NUMA1: variants seen among roughly 807,000 people sequenced by gnomAD.
NUMA1 encodes the protein nuclear mitotic apparatus protein 1, also known as SP-H antigen.
In NUMA1, 62 loss-of-function variants were observed where a neutral mutation model predicts 237.1. The ratio of observed to expected loss-of-function variants is 0.26; its 90% confidence interval spans 0.21 to 0.32. The LOEUF (loss-of-function observed/expected upper bound fraction) is 0.32, where lower values mean the gene tolerates loss of function less well. Ranked by LOEUF, NUMA1 falls within the 10% of genes least tolerant of loss-of-function variation. NUMA1 has a pLI of 1.00. For missense variants in NUMA1, 2,533 were observed against 2,666.5 expected (o/e 0.95, Z 1.10); for synonymous variants, 1,028 against 1,066.1 (o/e 0.96, Z 0.70).
At position 72,009,380 on chromosome 11, in the gene NUMA1, T is replaced by C. The variant is rs1476050304; in HGVS notation, c.4727A>G (p.Gln1576Arg). The C allele has an allele frequency of 1.9e-6, 3 of 1,604,836 alleles. No homozygotes were observed. The highest frequency in any genetic ancestry group is 2.5e-6 in the Non-Finnish European group (3 of 1,178,112). Residue 1576 changes from glutamine (Q) to arginine (R), a missense_variant, in exon 18 of 27, where the codon CAG (glutamine) becomes CGG (arginine). This residue lies in a region of NUMA1 where 795 missense variants were observed against 750.8 expected (regional missense o/e 1.06). Transcript: ENST00000393695. Reference protein sequence around the residue: ...KVQQQKLKAVQAQGGESQQEA... With the variant: ...KVQQQKLKAVRAQGGESQQEA... ...CTGCTGGCTCTCGCCTCCCTGAGCC[T>C]GGACAGCCTGAGAAGAAAGGCCACT...
chr11:72,024,018 C>T, intron 5 of NUMA1: 1 of 420,570 alleles, frequency 2.4e-6, no homozygotes, highest in Non-Finnish European at 4.3e-6. Flanking sequence ...GTGACAGGTC[C>T]CAAAAAGTAA....
At chr11:72,043,868 G>C (rs905343540) in intron 2 of NUMA1, among the ~76,000 whole-genome samples, 4 of 152,106 alleles carry the variant, frequency 2.6e-5, no homozygotes, top group African/African-American at 9.7e-5. Flanking sequence ...CTTGAACTCG[G>C]AATGAGCAGA....
At chr11:72,039,935 A>C (rs2135820517) in intron 2 of NUMA1, 1 of 152,218 alleles carries the variant, frequency 6.6e-6, no homozygotes, top group Non-Finnish European at 1.5e-5. Flanking sequence ...GGTTACCCAG[A>C]GGGGCCAAGC....
At chr11:72,021,346 G>A in intron 7 of NUMA1, 55 bp from the exon 8 acceptor site, 1 of 1,512,608 alleles carries the variant, frequency 6.6e-7, no homozygotes, top group Non-Finnish European at 9.2e-7. Flanking sequence ...CTGAAGGGAT[G>A]GCTGCCAGGA....
At chr11:72,039,216 C>T (rs1478633200) in intron 2 of NUMA1, among the ~76,000 whole-genome samples, 1 of 152,238 alleles carries the variant, frequency 6.6e-6, no homozygotes, top group Non-Finnish European at 1.5e-5. Flanking sequence ...CTAATGTAAA[C>T]CACCTGCTCA....
rs566138045 is a variant in NUMA1, at chr11:72,018,098, C to T, written c.978+85G>A. On this transcript the variant is annotated intron_variant, in intron 12 of 26. Coordinates refer to ENST00000393695, the MANE Select transcript of NUMA1 (RefSeq NM_006185.4). ...CTGAAGCATAAGACAGGTGCTGGGA[C>T]ATTCTTCTCAACCCTCTCTTGGGGA... 1.3e-5 allele frequency: 14 copies of T among 1,069,958 alleles called. No individual in the cohort carries two copies. In the African/African-American group the frequency reaches 2.0e-4, roughly 15 times the overall value. The allele number at this position is 1,069,958 out of a possible 1,614,324, so 66.3% of individuals were successfully genotyped here.
chr11:72,024,314 C>G lies in NUMA1; in HGVS notation c.168G>C (p.Pro56=), dbSNP rs146932177. ...TEEGQQILKQ[P]VSERLDFVCS... ...ACACAAAGTCCAGTCTCTCTGACAC[C>G]GGCTGCTTCAAGATTTGCTGTCCCT... Residue 56 remains proline, a synonymous_variant, in exon 5 of 27, where the codon CCG becomes CCC. Transcript: ENST00000393695. The G allele has an allele frequency of 6.2e-7, 1 of 1,614,186 alleles. No homozygotes were observed. The highest frequency in any genetic ancestry group is 1.7e-5 in the Admixed American group (1 of 60,024).
chr11:72,014,442 C>G lies in NUMA1; in HGVS notation c.3061G>C (p.Ala1021Pro). 1.2e-6 allele frequency: 2 copies of G among 1,606,180 alleles called. No individual in the cohort carries two copies. The highest frequency in any genetic ancestry group is 8.5e-7 in the Non-Finnish European group (1 of 1,180,008). Residue 1021 changes from alanine (A) to proline (P), a missense_variant, in exon 15 of 27, where the codon GCC (alanine) becomes CCC (proline). Coordinates refer to ENST00000393695, the MANE Select transcript of NUMA1 (RefSeq NM_006185.4). The surrounding 1 kb of genome is among the most constrained non-coding windows in gnomAD (Gnocchi z 4.6). ...QERGRAQADL[A>P]LEKAARAELE... Reference sequence around the variant, plus strand: ...TCTGCTCTGGCCGCCTTCTCCAGGGCAAGGTCAGCCTGGGCACGGCCCCGC... The same window carrying G: ...TCTGCTCTGGCCGCCTTCTCCAGGGGAAGGTCAGCCTGGGCACGGCCCCGC...
At position 72,004,340 on chromosome 11, in the gene NUMA1, G is replaced by C. The variant is rs902261303; in HGVS notation, c.6008C>G (p.Ser2003Cys). 3.1e-6 allele frequency: 5 copies of C among 1,611,466 alleles called. No individual in the cohort carries two copies. In the Admixed American group the frequency reaches 5.1e-5, roughly 16 times the overall value. The change falls in exon 25 of 27, where the codon TCT (serine) becomes TGT (cysteine). Residue 2003 changes from serine to cysteine, a missense_variant and splice_region_variant. Physicochemically the swap from Ser to Cys is moderately radical, Grantham distance 112. Transcript: ENST00000393695. Reference protein sequence around the residue: ...EPHQGPGTPESKKATSCFPRP... With the variant: ...EPHQGPGTPECKKATSCFPRP... ...TGGGAAACAGCTGGTGGCCTTCTTA[G>C]ACTATGGAGAAGAGGACAGTTAGGC...
At chr11:72,022,205 T>C in intron 7 of NUMA1, 134 bp downstream of exon 7, 1 of 594,934 alleles carries the variant, frequency 1.7e-6, no homozygotes, top group Non-Finnish European at 3.0e-6. Context: ...TCCCAGACTT[T>C]CTATGATGAA....
chr11:72,053,526 A>C (rs776340572), intron 2 of NUMA1, among the ~76,000 whole-genome samples: 1 of 152,248 alleles, frequency 6.6e-6, no homozygotes. Flanking sequence ...ACACAGAAGA[A>C]GACAGTTTGA....
chr11:72,033,887 A>G (rs1940666045), intron 3 of NUMA1, among the ~76,000 whole-genome samples: 2 of 151,882 alleles, frequency 1.3e-5, no homozygotes. Flanking sequence ...ATTTTTTTTG[A>G]GGTCACATTA....
rs1943464923 is a variant in NUMA1 at position 72,071,848 on chromosome 11, ATATC to A, written c.-102-1941_-102-1938del. 2.0e-5 allele frequency among the ~76,000 whole-genome samples: 3 copies of A among 152,342 alleles called. No homozygotes were observed. The South Asian group carries it at 6.2e-4, about 32-fold the overall frequency. On this transcript the variant is annotated intron_variant, in intron 1 of 26. Transcript: ENST00000393695. ...AGTATTTGTTACATTATTTTGCAAA[ATATC>A]TATAGGTTTGAAAATTTTCAAAATA...
At chr11:72,011,729 C>T (rs540638935) in intron 16 of NUMA1, among the ~76,000 whole-genome samples, 2 of 152,214 alleles carry the variant, frequency 1.3e-5, no homozygotes, top group East Asian at 1.9e-4. Flanking sequence ...TCTATAGCCT[C>T]GATGTCTCAG....
intron 4 of NUMA1, among the ~76,000 whole-genome samples, chr11:72,027,422 C>CAA (rs996829124): frequency 8.4e-6 from 1 of 119,444 alleles, no homozygotes. Context: ...GTATCCTTGA[C>CAA]AAAAAAAAAA....
chr11:72,014,723 C>T lies in NUMA1; in HGVS notation c.2780G>A (p.Gly927Asp). 6.2e-7 allele frequency: 1 copy of T among 1,614,096 alleles called. No homozygotes were observed. The highest frequency in any genetic ancestry group is 8.5e-7 in the Non-Finnish European group (1 of 1,180,050). Residue 927 changes from glycine (G) to aspartate (D), a missense_variant, in exon 15 of 27, where the codon GGT becomes GAT. By Grantham distance (94) the Gly-to-Asp change is moderately conservative. Transcript: ENST00000393695. This position sits in a 1 kb window ranked among gnomAD's most constrained non-coding sequence, Gnocchi z 4.6. ...ARLETLVRKA[G>D]EQQETASREL... ...CCGGGAGGCTGTTTCCTGCTGCTCA[C>T]CTGCCTTGCGCACCAAGGTCTCCAA... is the stretch of plus-strand genomic sequence containing the variant.
intron 24 of NUMA1, 28 bp downstream of exon 24, chr11:72,004,612 A>G (rs923597895): frequency 1.9e-6 from 3 of 1,605,400 alleles, no homozygotes; most frequent in Non-Finnish European, 2.5e-6. Context: ...ACAGTGCTGG[A>G]GTAACACCCA....
At chr11:72,024,253 C>A (rs1565234130) in intron 5 of NUMA1, 21 bp downstream of exon 5, 6 of 1,611,254 alleles carry the variant, frequency 3.7e-6, no homozygotes, top group Non-Finnish European at 5.1e-6. Flanking sequence ...TTCTTCATAG[C>A]TGGATAAGAA....
intron 1 of NUMA1, among the ~76,000 whole-genome samples, chr11:72,075,777 A>G (rs1943677179): frequency 6.6e-6 from 1 of 152,206 alleles, no homozygotes; most frequent in African/African-American, 2.4e-5. Flanking sequence ...ATCTGAACTG[A>G]CATATAGATA....
Sources: allele counts gnomAD v4.1 joint callset (sites outside exome capture counted in the v4.1 genomes callset), GRCh38; gene constraint gnomAD v4.1.1; regional missense constraint gnomAD v4.1.1; non-coding constraint Gnocchi (gnomAD v3.1); transcripts MANE v1.5; gene names NCBI Gene and HGNC (gene_info 2026-07-23, HGNC 2026-07-21).